PCDHGA10: variants seen among roughly 807,000 people sequenced by gnomAD.
The protein encoded by PCDHGA10 is protocadherin gamma subfamily A, 10.
In PCDHGA10, 42 loss-of-function variants were observed where a neutral mutation model predicts 59.5. That is an observed-to-expected ratio of 0.71 (90% CI 0.55 to 0.91). PCDHGA10 has a LOEUF of 0.91. Among genes scored for constraint, PCDHGA10 ranks in the 40% least tolerant of loss-of-function variants. PCDHGA10 has a pLI of 0.00. For synonymous variants in PCDHGA10, 511 were observed against 517.2 expected (o/e 0.99, Z 0.16); for missense variants, 1,111 against 1,198.2 (o/e 0.93, Z 1.07).
At chr5:141,450,998 T>C (rs2098703513) in intron 1 of PCDHGA10, among the ~76,000 whole-genome samples, 1 of 151,696 alleles carries the variant, frequency 6.6e-6, no homozygotes, top group Non-Finnish European at 1.5e-5. Flanking sequence ...CTAATTTTTT[T>C]GTATTTTTTT....
At position 141,476,318 on chromosome 5, in the gene PCDHGA10, G is replaced by A. The variant is rs767809530; in HGVS notation, c.2437-18489G>A. ...TAGCCTCTCAGCCCGCAGGTTCCGG[G>A]TGGTGTCTGGAGCTAGCCGAAGATT... is the stretch of plus-strand genomic sequence containing the variant. On this transcript the variant is annotated intron_variant, in intron 1 of 3. Coordinates refer to ENST00000398610, the MANE Select transcript of PCDHGA10 (RefSeq NM_018913.3). This position sits in a 1 kb window ranked among gnomAD's most constrained non-coding sequence, Gnocchi z 7.6. The A allele has an allele frequency of 6.2e-6, 10 of 1,614,084 alleles. No homozygotes were observed. Among genetic ancestry groups the A allele is most frequent in the Non-Finnish European group, 7.6e-6 (9 of 1,180,060 alleles).
chr5:141,494,812 C>G lies in PCDHGA10; in HGVS notation c.2442C>G (p.Ala814=). The part of the protein sequence containing the change: ...PIEDTPLVPQ[A]PPNTDWRFSQ... ...TCCCTCTGTTTTCTCCACAGCAAGCCCCGCCCAACACGGACTGGCGTTTCT... is the reference window on the plus strand; with the variant it reads ...TCCCTCTGTTTTCTCCACAGCAAGCGCCGCCCAACACGGACTGGCGTTTCT... The change falls in exon 2 of 4, where the codon GCC becomes GCG. Residue 814 remains alanine, a synonymous_variant. Coordinates refer to ENST00000398610, the MANE Select transcript of PCDHGA10 (RefSeq NM_018913.3). 4 of 1,614,146 alleles carry G rather than the reference C, an allele frequency of 2.5e-6. No homozygotes were observed. The highest frequency in any genetic ancestry group is 3.4e-6 in the Non-Finnish European group (4 of 1,180,016).
intron 1 of PCDHGA10, among the ~76,000 whole-genome samples, chr5:141,470,011 C>T (rs2099218489): frequency 6.6e-6 from 1 of 152,144 alleles, no homozygotes; most frequent in Non-Finnish European, 1.5e-5. Context: ...CGCCTGTAAT[C>T]CCAGCTACTC....
At chr5:141,463,518 G>C (rs537466389) in intron 1 of PCDHGA10, among the ~76,000 whole-genome samples, 1 of 139,068 alleles carries the variant, frequency 7.2e-6, no homozygotes, top group African/African-American at 2.8e-5. Context: ...GCGTGATCTC[G>C]GCTTACTAGA....
intron 2 of PCDHGA10, among the ~76,000 whole-genome samples, chr5:141,498,945 G>C (rs1421135706): frequency 8.0e-6 from 1 of 125,434 alleles, no homozygotes; most frequent in Non-Finnish European, 1.6e-5. Context: ...AAGAAAGAAA[G>C]AAAAAGAGAG....
chr5:141,428,368 C>T, intron 1 of PCDHGA10: 1 of 545,002 alleles, frequency 1.8e-6, no homozygotes, highest in Non-Finnish European at 3.4e-6. Context: ...GGTCGCCTTG[C>T]ACCTGCGATG....
At chr5:141,466,275 A>G (rs1163982252) in intron 1 of PCDHGA10, among the ~76,000 whole-genome samples, 1 of 152,112 alleles carries the variant, frequency 6.6e-6, no homozygotes. Context: ...AGCTCAAGCA[A>G]TCTTCCCACC....
chr5:141,420,335 A>G (rs2096490280), intron 1 of PCDHGA10: 1 of 1,403,918 alleles, frequency 7.1e-7, no homozygotes, highest in Non-Finnish European at 9.5e-7. Flanking sequence ...ATATTCCAAT[A>G]TAGTGGTATT....
intron 1 of PCDHGA10, among the ~76,000 whole-genome samples, chr5:141,494,341 G>C (rs565090556): frequency 9.2e-5 from 14 of 152,352 alleles, no homozygotes; most frequent in Admixed American, 9.1e-4. Context: ...ACCAAGAACA[G>C]CAGCCATCTT....
intron 1 of PCDHGA10, among the ~76,000 whole-genome samples, chr5:141,453,823 G>A (rs2154564414): frequency 6.6e-6 from 1 of 152,250 alleles, no homozygotes; most frequent in South Asian, 2.1e-4. Flanking sequence ...GACAAACTTG[G>A]CTGCTAGCCC....
chr5:141,509,143 C>G (rs1022878562), intron 3 of PCDHGA10, among the ~76,000 whole-genome samples: 1 of 152,256 alleles, frequency 6.6e-6, no homozygotes, highest in African/African-American at 2.4e-5. Context: ...AGGCGCATCC[C>G]GGCTCTCCCC....
chr5:141,428,618 T>G (rs554092834), intron 1 of PCDHGA10: 12 of 206,130 alleles, frequency 5.8e-5, no homozygotes, highest in Admixed American at 2.6e-4. Context: ...AATAACAAGA[T>G]AAGCTCTAAC....
intron 1 of PCDHGA10, among the ~76,000 whole-genome samples, chr5:141,425,036 G>A (rs574813328): frequency 1.3e-5 from 2 of 152,238 alleles, no homozygotes; most frequent in East Asian, 3.9e-4. Context: ...GTCATTAGTT[G>A]TAAACTGACT....
Position 141,414,629 on chromosome 5 carries a change from G to A in PCDHGA10, c.1454G>A (p.Ser485Asn), listed in dbSNP as rs2095766704. ...IFSVTALDPD[S>N]KENAQIIYSL... ...TCAGTGACAGCGCTGGACCCGGACAGCAAAGAGAATGCCCAGATTATTTAC... is the reference window on the plus strand; with the variant it reads ...TCAGTGACAGCGCTGGACCCGGACAACAAAGAGAATGCCCAGATTATTTAC... The change falls in exon 1 of 4, where the codon AGC becomes AAC. Residue 485 changes from serine to asparagine, a missense_variant. Transcript: ENST00000398610. 2 of 1,613,882 alleles carry A rather than the reference G, an allele frequency of 1.2e-6. No homozygotes were observed. The highest frequency in any genetic ancestry group is 1.7e-6 in the Non-Finnish European group (2 of 1,179,898).
chr5:141,414,168 T>C lies in PCDHGA10; in HGVS notation c.993T>C (p.Tyr331=). The C allele has an allele frequency of 6.2e-7, 1 of 1,605,598 alleles. No homozygotes were observed. The highest frequency in any genetic ancestry group is 8.5e-7 in the Non-Finnish European group (1 of 1,175,814). ...IEIQAEDGGA[Y]LATAKVLITV... is the part of the protein sequence containing the mutation. ...TACAAGCAGAAGATGGAGGAGCATA[T>C]CTTGCAACTGCAAAAGTGTTGATTA... The change falls in exon 1 of 4, where the codon TAT becomes TAC. Residue 331 remains tyrosine, a synonymous_variant. Transcript: ENST00000398610.
chr5:141,485,134 C>G lies in PCDHGA10; in HGVS notation c.2437-9673C>G, dbSNP rs967744072. 1.3e-6 allele frequency: 2 copies of G among 1,495,962 alleles called. No individual in the cohort carries two copies. Among genetic ancestry groups the G allele is most frequent in the South Asian group, 2.4e-5 (2 of 84,482 alleles). 92.7% of individuals were successfully genotyped at this position (1,495,962 alleles called of 1,614,324 possible). ...CTGTTTGGGGCGGGTCGGCTTCATC[C>G]GCGTCTCAGGAGCAAGTAGAGAATT... On this transcript the variant is annotated intron_variant, in intron 1 of 3. Transcript: ENST00000398610. The surrounding 1 kb of genome is among the most constrained non-coding windows in gnomAD (Gnocchi z 5.7).
intron 1 of PCDHGA10, among the ~76,000 whole-genome samples, chr5:141,439,532 C>T (rs1030997598): frequency 6.6e-6 from 1 of 152,202 alleles, no homozygotes; most frequent in Admixed American, 6.5e-5. Context: ...CTACAGAACG[C>T]TGTCCTCTCA....
rs112808093 is a variant in PCDHGA10, at chr5:141,489,579, C to T, written c.2437-5228C>T. On this transcript the variant is annotated intron_variant, in intron 1 of 3. Transcript: ENST00000398610. The surrounding 1 kb of genome is among the most constrained non-coding windows in gnomAD (Gnocchi z 4.5). ...CAGTGCAGGTGGTGACTGAACACCC[C>T]CTGGAGCTAATCCGTGTAGAGGTAG... is the stretch of plus-strand genomic sequence containing the variant. 211 of 1,614,038 alleles carry T rather than the reference C, an allele frequency of 1.3e-4. 1 individual carries two copies. In the African/African-American group the frequency reaches 1.7e-3, roughly 13 times the overall value.
chr5:141,509,709 T>C (rs1344120168), intron 3 of PCDHGA10, among the ~76,000 whole-genome samples: 1 of 152,200 alleles, frequency 6.6e-6, no homozygotes, highest in African/African-American at 2.4e-5. Context: ...CTGGAGGTGC[T>C]GTCTGATGTC....
Sources: gnomAD v4.1 joint callset for allele counts (sites outside exome capture counted in the v4.1 genomes callset) on GRCh38, gnomAD v4.1.1 for gene constraint, Gnocchi (gnomAD v3.1) non-coding constraint, MANE v1.5 for transcripts, NCBI Gene and HGNC (gene_info 2026-07-23, HGNC 2026-07-21) for gene names.